Variants in IFT88 observed in about 807,000 individuals in gnomAD.
IFT88 encodes intraflagellar transport 88.
A neutral mutation model predicts 119.5 loss-of-function variants in IFT88; 74 were observed. The observed-to-expected ratio is 0.62, with a 90% confidence interval of 0.51 to 0.75. The LOEUF (loss-of-function observed/expected upper bound fraction) is 0.75, where lower values mean the gene tolerates loss of function less well. Ranked by LOEUF, IFT88 falls within the 30% of genes least tolerant of loss-of-function variation. IFT88 has a pLI of 0.00. For missense variants in IFT88, 961 were observed against 977.7 expected (o/e 0.98, Z 0.23); for synonymous variants, 279 against 316.7 (o/e 0.88, Z 1.26).
chr13:20,612,866 T>C (rs2497477), intron 13 of IFT88, among the ~76,000 whole-genome samples: 139,956 of 152,230 alleles, frequency 0.92, 64,426 homozygotes, highest in East Asian at 1. Context: ...TTCAACAAAT[T>C]GTGCTGGGAA....
intron 22 of IFT88, among the ~76,000 whole-genome samples, chr13:20,662,806 A>G (rs1205292770): frequency 6.6e-6 from 1 of 152,250 alleles, no homozygotes; most frequent in Non-Finnish European, 1.5e-5. Flanking sequence ...AGCTTGAATG[A>G]AAAAGCAAAT....
intron 19 of IFT88, among the ~76,000 whole-genome samples, 161 bp from the exon 20 acceptor site, chr13:20,644,682 T>C (rs1373684403): frequency 6.6e-6 from 1 of 152,182 alleles, no homozygotes; most frequent in South Asian, 2.1e-4. Flanking sequence ...GTTTTCTAAA[T>C]ATTATATAGT....
At chr13:20,588,286 A>G (rs1335125270) in intron 3 of IFT88, among the ~76,000 whole-genome samples, 1 of 151,792 alleles carries the variant, frequency 6.6e-6, no homozygotes, top group Non-Finnish European at 1.5e-5. Flanking sequence ...TATAGTTTTT[A>G]GTTCATTTTC....
At chr13:20,688,347 CAAAAG>C (rs2058166877) in intron 24 of IFT88, among the ~76,000 whole-genome samples, 1 of 152,254 alleles carries the variant, frequency 6.6e-6, no homozygotes, top group South Asian at 2.1e-4. Context: ...AACTCCATCT[CAAAAG>C]AAAAGAGGCC....
chr13:20,651,192 C>T (rs1293720996), intron 20 of IFT88, among the ~76,000 whole-genome samples: 1 of 151,778 alleles, frequency 6.6e-6, no homozygotes, highest in African/African-American at 2.4e-5. Context: ...GGTGAATTTT[C>T]CTATTTTTGC....
At chr13:20,567,704 T>C (rs1291323347) in intron 1 of IFT88, 4 of 1,194,662 alleles carry the variant, frequency 3.3e-6, no homozygotes, top group Non-Finnish European at 4.2e-6. Flanking sequence ...GAAAGTTGAA[T>C]CAGGAATGAA....
chr13:20,587,246 G>A (rs2039839331), intron 3 of IFT88, among the ~76,000 whole-genome samples: 2 of 150,696 alleles, frequency 1.3e-5, no homozygotes, highest in Non-Finnish European at 3.0e-5. Context: ...TATTTTGTTT[G>A]CCTACTGCTT....
At chr13:20,576,388 A>G (rs1346985622) in intron 2 of IFT88, among the ~76,000 whole-genome samples, 1 of 151,870 alleles carries the variant, frequency 6.6e-6, no homozygotes, top group Middle Eastern at 3.2e-3. Context: ...TCATTTGTCC[A>G]TTTTTGCTTT....
chr13:20,568,887 A>AT (rs1220486930), intron 1 of IFT88, among the ~76,000 whole-genome samples: 5 of 151,714 alleles, frequency 3.3e-5, no homozygotes, highest in African/African-American at 1.2e-4. Flanking sequence ...TGCCCAGCTA[A>AT]TTTTTTGTAT....
chr13:20,602,055 T>TTGTTGTATCAA, intron 12 of IFT88, 122 bp downstream of exon 12: 1 of 616,162 alleles, frequency 1.6e-6, no homozygotes, highest in East Asian at 2.8e-5. Context: ...TCAATGTGTT[T>TTGTTGTATCAA]TATTATTGAT....
intron 15 of IFT88, among the ~76,000 whole-genome samples, chr13:20,630,234 T>C (rs2442448): frequency 0.16 from 24,940 of 152,170 alleles, 2,391 homozygotes; most frequent in African/African-American, 0.25. Flanking sequence ...TCTAGGAACA[T>C]TTTTTAGCCA....
chr13:20,579,359 G>C (rs146564286), intron 2 of IFT88, among the ~76,000 whole-genome samples: 1 of 152,154 alleles, frequency 6.6e-6, no homozygotes, highest in Non-Finnish European at 1.5e-5. Context: ...GCACTGAACC[G>C]TAAGACAAAG....
chr13:20,577,153 A>G (rs1006765681), intron 2 of IFT88, among the ~76,000 whole-genome samples: 3 of 152,096 alleles, frequency 2.0e-5, no homozygotes, highest in Non-Finnish European at 4.4e-5. Context: ...TTCGTGATTT[A>G]TTTTCCAGAT....
intron 9 of IFT88, among the ~76,000 whole-genome samples, 180 bp downstream of exon 9, chr13:20,597,299 C>A (rs17054219): frequency 0.43 from 64,977 of 151,822 alleles, 14,173 homozygotes; most frequent in East Asian, 0.58. Context: ...GAGCTCTTTT[C>A]TTTAGTTATT....
At chr13:20,675,011 C>G (rs1268234540) in intron 24 of IFT88, among the ~76,000 whole-genome samples, 1 of 151,918 alleles carries the variant, frequency 6.6e-6, no homozygotes, top group Admixed American at 6.6e-5. Flanking sequence ...CCGCGCCTGG[C>G]CAGTTATATT....
At chr13:20,679,471 A>G (rs1413707267) in intron 24 of IFT88, among the ~76,000 whole-genome samples, 2 of 152,228 alleles carry the variant, frequency 1.3e-5, no homozygotes, top group African/African-American at 4.8e-5. Flanking sequence ...CAGTAATAAT[A>G]TGCGCAGAAG....
At chr13:20,660,848 T>G (rs1268580708) in intron 22 of IFT88, among the ~76,000 whole-genome samples, 1 of 152,220 alleles carries the variant, frequency 6.6e-6, no homozygotes, top group African/African-American at 2.4e-5. Flanking sequence ...TCCAAGAGGA[T>G]GTATTAAATA....
At chr13:20,684,719 A>T (rs11616340) in intron 24 of IFT88, among the ~76,000 whole-genome samples, 58,585 of 152,142 alleles carry the variant, frequency 0.39, 13,557 homozygotes, top group Non-Finnish European at 0.52. Context: ...ATGCCGAAGC[A>T]GACTCAAGCC....
At chr13:20,578,034 CTTTTTTTTTTTT>C (rs57202566) in intron 2 of IFT88, among the ~76,000 whole-genome samples, 10 of 55,872 alleles carry the variant, frequency 1.8e-4, no homozygotes, top group African/African-American at 4.5e-4. Flanking sequence ...CTTGTTACTT[CTTTTTTTTTTTT>C]TTTTTTTTTT....
Sources: allele counts gnomAD v4.1 joint callset (sites outside exome capture counted in the v4.1 genomes callset), GRCh38; gene constraint gnomAD v4.1.1; transcripts MANE v1.5; gene names NCBI Gene and HGNC (gene_info 2026-07-23, HGNC 2026-07-21).